TAB2: variants seen among roughly 807,000 people sequenced by gnomAD.
TAB2 encodes the protein TGF-beta-activated kinase 1 and MAP3K7-binding protein 2.
Under a neutral mutation model 65.0 loss-of-function variants are expected in TAB2, and 3 were observed. The observed-to-expected ratio is 0.05, with a 90% CI of 0.02 to 0.12. TAB2 has a LOEUF of 0.12. Ranked by LOEUF, TAB2 falls within the 10% of genes least tolerant of loss-of-function variation. The probability of loss-of-function intolerance (pLI) is 1.00; values close to 1 mark genes in which losing one functional copy is unlikely to be tolerated. For missense variants in TAB2, 623 were observed against 840.3 expected (o/e 0.74, Z 3.20); for synonymous variants, 298 against 285.1 (o/e 1.05, Z -0.46).
intron 1 of TAB2, among the ~76,000 whole-genome samples, chr6:149,367,873 T>G (rs1458774422): frequency 1.3e-5 from 2 of 151,948 alleles, no homozygotes; most frequent in Non-Finnish European, 2.9e-5. Flanking sequence ...GGGGGAGGAA[T>G]TAAGAGTTTG....
intron 3 of TAB2, 124 bp from the exon 4 acceptor site, chr6:149,397,480 T>C: frequency 8.7e-7 from 1 of 1,143,618 alleles, no homozygotes; most frequent in Non-Finnish European, 1.3e-6. Context: ...TGCCTAAACT[T>C]ACAATATTTT....
At chr6:149,254,296 A>G (rs1380505280) in intron 1 of TAB2, among the ~76,000 whole-genome samples, 2 of 152,348 alleles carry the variant, frequency 1.3e-5, no homozygotes, top group East Asian at 1.9e-4. Flanking sequence ...AGAGTAAGGC[A>G]GAAGGCTTGG....
chr6:149,281,201 T>C (rs1342128393), intron 1 of TAB2, among the ~76,000 whole-genome samples: 1 of 151,358 alleles, frequency 6.6e-6, no homozygotes, highest in Non-Finnish European at 1.5e-5. Context: ...ATTTGAAGAG[T>C]CATGTGAAAA....
At chr6:149,317,009 C>T (rs1328900074), upstream of TAB2, among the ~76,000 whole-genome samples, 1 of 150,832 alleles carries the variant, frequency 6.6e-6, no homozygotes, top group African/African-American at 2.4e-5. This position sits in a 1 kb window ranked among gnomAD's most constrained non-coding sequence, Gnocchi z 4.7. Context: ...GCGGGCCCAC[C>T]TGCTCCTCTC....
intron 3 of TAB2, among the ~76,000 whole-genome samples, chr6:149,389,138 T>G (rs372805886): frequency 6.6e-6 from 1 of 151,814 alleles, no homozygotes; most frequent in East Asian, 2.0e-4. Context: ...GTATTTTTAG[T>G]AGAGATGGGG....
At position 149,308,196 on chromosome 6, in the gene TAB2, C is replaced by A. The variant is rs376660475; in HGVS notation, c.-120-69822C>A. 7.0e-4 allele frequency among the ~76,000 whole-genome samples: 106 copies of A among 152,276 alleles called. No individual in the cohort carries two copies. The South Asian group carries it at 0.021, about 30-fold the overall frequency. Reference sequence around the variant, plus strand: ...GTAAGCATCCTTTGACACACATCTTCAAATGTACATCTAGTTATTTATTCC... The same window carrying A: ...GTAAGCATCCTTTGACACACATCTTAAAATGTACATCTAGTTATTTATTCC... On this transcript the variant is annotated intron_variant, in intron 1 of 1. Coordinates refer to the TAB2 transcript ENST00000606202.
intron 1 of TAB2, among the ~76,000 whole-genome samples, chr6:149,222,094 C>T (rs1192082295): frequency 6.6e-6 from 1 of 152,182 alleles, no homozygotes; most frequent in Non-Finnish European, 1.5e-5. Context: ...AATTCACTCT[C>T]TCTAACCCGG....
intron 6 of TAB2, among the ~76,000 whole-genome samples, chr6:149,409,273 A>G (rs973704280): frequency 6.6e-6 from 1 of 152,208 alleles, no homozygotes; most frequent in Non-Finnish European, 1.5e-5. Context: ...CTTGAGTGGT[A>G]TTATGGGAAT....
chr6:149,346,686 T>C (rs557485679), intron 1 of TAB2: 1 of 152,118 alleles, frequency 6.6e-6, no homozygotes, highest in African/African-American at 2.4e-5. Flanking sequence ...ACTCCTGACC[T>C]CAGGTGATTC....
At chr6:149,248,747 G>A (rs965409652) in intron 1 of TAB2, among the ~76,000 whole-genome samples, 6 of 152,274 alleles carry the variant, frequency 3.9e-5, no homozygotes, top group South Asian at 2.1e-4. Flanking sequence ...GTGAAGCCCC[G>A]TGAGGCTCAC....
intron 6 of TAB2, chr6:149,400,710 C>G: frequency 1.2e-6 from 2 of 1,601,244 alleles, no homozygotes; most frequent in East Asian, 4.5e-5. Flanking sequence ...CTCCAGAACG[C>G]TGTTCTTTAA....
chr6:149,321,781 A>G (rs1048351410), intron 1 of TAB2, among the ~76,000 whole-genome samples: 1 of 152,206 alleles, frequency 6.6e-6, no homozygotes, highest in Non-Finnish European at 1.5e-5. Flanking sequence ...AATTATCACA[A>G]AGTAAAATTG....
intron 1 of TAB2, among the ~76,000 whole-genome samples, chr6:149,228,794 C>A (rs1034513824): frequency 2.0e-5 from 3 of 152,212 alleles, no homozygotes; most frequent in Non-Finnish European, 4.4e-5. Context: ...ATCACATGGG[C>A]CTGTAAGAAC....
rs116441571 is a variant in TAB2, at chr6:149,240,206, A to C, written c.-121+21430A>C. On this transcript the variant is annotated intron_variant, in intron 1 of 1. Transcript: ENST00000606202. ...CTCGGCTCAGGGCCTTACCCATGTA[A>C]TCTGAGCATGGCAGGGCTCCTCTTT... Among the ~76,000 whole-genome samples, 1,409 of 152,262 alleles carry C rather than the reference A, an allele frequency of 9.3e-3. 26 individuals are homozygous for C. The highest frequency in any genetic ancestry group is 0.032 in the African/African-American group (1,346 of 41,546).
chr6:149,226,470 T>C (rs1248936474), intron 1 of TAB2, among the ~76,000 whole-genome samples: 1 of 152,246 alleles, frequency 6.6e-6, no homozygotes, highest in Non-Finnish European at 1.5e-5. Flanking sequence ...CCGCAGATAC[T>C]GCTGTGTGAT....
chr6:149,383,637 C>T (rs1468197202), intron 3 of TAB2, among the ~76,000 whole-genome samples: 1 of 152,182 alleles, frequency 6.6e-6, no homozygotes, highest in Non-Finnish European at 1.5e-5. Flanking sequence ...GGCTGGAGTG[C>T]AGTAGCACGA....
chr6:149,387,872 A>G (rs1471828438), intron 3 of TAB2, among the ~76,000 whole-genome samples: 1 of 152,140 alleles, frequency 6.6e-6, no homozygotes, highest in East Asian at 1.9e-4. Context: ...AAATGGCTGC[A>G]TAGTATTGTG....
intron 1 of TAB2, among the ~76,000 whole-genome samples, chr6:149,288,701 G>A (rs1258986322): frequency 1.3e-5 from 2 of 152,158 alleles, no homozygotes; most frequent in African/African-American, 2.4e-5. Flanking sequence ...AGGACTTACA[G>A]GATGTCTTAT....
chr6:149,368,670 T>TGTGTGC (rs760524094), intron 1 of TAB2, among the ~76,000 whole-genome samples: 2 of 151,978 alleles, frequency 1.3e-5, no homozygotes, highest in African/African-American at 2.4e-5. Context: ...TGTGTGTGTG[T>TGTGTGC]GTGTGTGTGT....
Sources: allele counts gnomAD v4.1 joint callset (sites outside exome capture counted in the v4.1 genomes callset), GRCh38; gene constraint gnomAD v4.1.1; non-coding constraint Gnocchi (gnomAD v3.1); transcripts MANE v1.5; gene names NCBI Gene and HGNC (gene_info 2026-07-23, HGNC 2026-07-21).